The following ACAP2 variants were observed in gnomAD, a reference collection of about 807,000 sequenced individuals.
The protein encoded by ACAP2 is ArfGAP with coiled-coil, ankyrin repeat and PH domains 2.
A neutral mutation model predicts 115.8 loss-of-function variants in ACAP2; 39 were observed. The observed-to-expected ratio is 0.34, with a 90% confidence interval of 0.26 to 0.44. The LOEUF is 0.44. Ranked by LOEUF, ACAP2 falls within the 20% of genes least tolerant of loss-of-function variation. The pLI, the probability that ACAP2 is intolerant of heterozygous loss-of-function variation, is 1.00. For missense variants in ACAP2, 662 were observed against 927.6 expected (o/e 0.71, Z 3.72); for synonymous variants, 289 against 315.8 (o/e 0.92, Z 0.90).
chr3:195,415,135 T>C (rs970776927), intron 1 of ACAP2, among the ~76,000 whole-genome samples: 1 of 152,182 alleles, frequency 6.6e-6, no homozygotes. Flanking sequence ...AATGTATCAA[T>C]GTAGGCTCAA....
chr3:195,311,519 A>T (rs1034395393), intron 10 of ACAP2, among the ~76,000 whole-genome samples: 1 of 152,122 alleles, frequency 6.6e-6, no homozygotes, highest in African/African-American at 2.4e-5. Context: ...CCAAAATACA[A>T]GACAGTTTTC....
At chr3:195,288,561 A>T (rs1164818917) in intron 21 of ACAP2, among the ~76,000 whole-genome samples, 1 of 152,194 alleles carries the variant, frequency 6.6e-6, no homozygotes, top group Non-Finnish European at 1.5e-5. Flanking sequence ...CAACAATTTT[A>T]AAATACAAAT....
At chr3:195,394,464 C>A (rs879736736) in intron 1 of ACAP2, among the ~76,000 whole-genome samples, 1 of 152,162 alleles carries the variant, frequency 6.6e-6, no homozygotes, top group African/African-American at 2.4e-5. Context: ...TGTAACTTCT[C>A]CAATCTTATT....
chr3:195,291,763 T>A lies in ACAP2; in HGVS notation c.2006A>T (p.Gln669Leu). The change falls in exon 20 of 23, where the codon CAA becomes CTA. Residue 669 changes from glutamine to leucine, a missense_variant. Physicochemically the swap from Gln to Leu is moderately radical, Grantham distance 113. This residue lies in a region of ACAP2 where 128 missense variants were observed against 200.2 expected (regional missense o/e 0.64). Transcript: ENST00000326793. ...TGGTCCCCGCCCTTGGACATCTCTT[T>A]GGTTGACATTAGCACCATTCTGTAG... ...FLLQNGANVN[Q>L]RDVQGRGPLH... 6.2e-7 allele frequency: 1 copy of A among 1,614,164 alleles called. No individual in the cohort carries two copies. Among genetic ancestry groups the A allele is most frequent in the South Asian group, 1.1e-5 (1 of 91,076 alleles).
intron 4 of ACAP2, among the ~76,000 whole-genome samples, chr3:195,362,819 AGCC>A (rs1318921033): frequency 3.3e-5 from 5 of 152,340 alleles, no homozygotes; most frequent in Non-Finnish European, 7.3e-5. Flanking sequence ...AACATAATAA[AGCC>A]CATATACAAC....
At chr3:195,321,216 CTT>C (rs34165362) in intron 9 of ACAP2, among the ~76,000 whole-genome samples, 1,797 of 102,230 alleles carry the variant, frequency 0.018, 15 homozygotes, top group African/African-American at 0.065. Context: ...TTTATCACAA[CTT>C]TTTTTTTTTT....
At chr3:195,392,237 T>G in intron 1 of ACAP2, 90 bp from the exon 2 acceptor site, 2 of 1,037,472 alleles carry the variant, frequency 1.9e-6, no homozygotes, top group Non-Finnish European at 2.9e-6. Context: ...AAGATAGATA[T>G]GAATGCTTAA....
intron 10 of ACAP2, among the ~76,000 whole-genome samples, chr3:195,311,877 G>GA (rs1728795775): frequency 1.3e-5 from 2 of 151,892 alleles, no homozygotes; most frequent in Admixed American, 1.3e-4. Flanking sequence ...GCTTCATTAA[G>GA]AAAAATAAGG....
intron 4 of ACAP2, among the ~76,000 whole-genome samples, chr3:195,358,811 C>G (rs1732158645): frequency 1.3e-5 from 2 of 151,876 alleles, no homozygotes; most frequent in African/African-American, 4.8e-5. Context: ...ATTTCTGAAA[C>G]TGAGAGAAAG....
At chr3:195,433,148 T>C (rs1560368055) in intron 1 of ACAP2, among the ~76,000 whole-genome samples, 1 of 152,184 alleles carries the variant, frequency 6.6e-6, no homozygotes, top group Admixed American at 6.5e-5. Context: ...CAAGTCTGTA[T>C]ATAAAATGGC....
At chr3:195,286,840 C>CTA (rs1726874867) in intron 21 of ACAP2, among the ~76,000 whole-genome samples, 1 of 152,234 alleles carries the variant, frequency 6.6e-6, no homozygotes, top group South Asian at 2.1e-4. Flanking sequence ...GGGTCCACTG[C>CTA]TATATAGGTA....
At chr3:195,282,090 G>A (rs1726546680) in intron 22 of ACAP2, 1 of 152,210 alleles carries the variant, frequency 6.6e-6, no homozygotes, top group South Asian at 2.1e-4. Flanking sequence ...GATGAGCACT[G>A]TTAAGTATTA....
Position 195,292,408 on chromosome 3 carries a change from G to A in ACAP2, c.1810C>T (p.Leu604Phe), listed in dbSNP as rs1727317960. The change falls in exon 19 of 23, where the codon CTT (leucine) becomes TTT (phenylalanine). Residue 604 changes from leucine (L) to phenylalanine (F), a missense_variant. Physicochemically the swap from Leu to Phe is conservative, Grantham distance 22 (BLOSUM62 0). Coordinates refer to ENST00000326793, the MANE Select transcript of ACAP2 (RefSeq NM_012287.6). ...DSSMFLDSKH[L>F]NPGLQLYRAS... ...CTATAAAGCTGAAGTCCTGGATTAA[G>A]ATGTTTCGAGTCAAGAAACATAGAA... The A allele has an allele frequency of 6.2e-7, 1 of 1,612,352 alleles. No individual in the cohort carries two copies.
At chr3:195,351,441 CGTGTGT>C (rs56049053) in intron 4 of ACAP2, among the ~76,000 whole-genome samples, 4,571 of 129,920 alleles carry the variant, frequency 0.035, 135 homozygotes, top group Middle Eastern at 0.082. Context: ...TTTTCTTTTT[CGTGTGT>C]GTGTGTGTGT....
At chr3:195,336,652 T>A (rs1035171916) in intron 7 of ACAP2, 4 of 293,616 alleles carry the variant, frequency 1.4e-5, no homozygotes, top group African/African-American at 6.6e-5. Flanking sequence ...ATCTAGTGCA[T>A]GTAAAGCAAC....
intron 1 of ACAP2, among the ~76,000 whole-genome samples, chr3:195,395,104 AC>A (rs570542535): frequency 4.5e-4 from 65 of 144,684 alleles, no homozygotes; most frequent in Non-Finnish European, 5.6e-4. Flanking sequence ...AAAAGAATTT[AC>A]CCAACAATCT....
At chr3:195,330,011 T>A (rs896879648) in intron 8 of ACAP2, among the ~76,000 whole-genome samples, 1 of 152,138 alleles carries the variant, frequency 6.6e-6, no homozygotes, top group African/African-American at 2.4e-5. Flanking sequence ...TAGATTTTTT[T>A]AAATAGCTCT....
At chr3:195,378,055 AGAGGGAGGGAGG>A (rs71982948) in intron 4 of ACAP2, among the ~76,000 whole-genome samples, 1 of 143,520 alleles carries the variant, frequency 7.0e-6, no homozygotes, top group Non-Finnish European at 1.5e-5. Flanking sequence ...GTGAAAAAGA[AGAGGGAGGGAGG>A]GAGGGAGGAA....
intron 7 of ACAP2, among the ~76,000 whole-genome samples, chr3:195,334,080 T>A (rs1008348260): frequency 6.6e-6 from 1 of 152,088 alleles, no homozygotes; most frequent in African/African-American, 2.4e-5. Flanking sequence ...TGGAAGGAAT[T>A]ACATAATTAA....
Sources: allele counts gnomAD v4.1 joint callset (sites outside exome capture counted in the v4.1 genomes callset), GRCh38; gene constraint gnomAD v4.1.1; regional missense constraint gnomAD v4.1.1; transcripts MANE v1.5; gene names NCBI Gene and HGNC (gene_info 2026-07-23, HGNC 2026-07-21).